The following PDE10A variants were observed in gnomAD, a reference collection of about 807,000 sequenced individuals.
PDE10A encodes the protein phosphodiesterase 10A, also known as cAMP and cAMP-inhibited cGMP 3',5'-cyclic phosphodiesterase 10A.
PDE10A carries 39 observed loss-of-function variants against 97.7 expected under a neutral mutation model. The ratio of observed to expected loss-of-function variants is 0.40; its 90% CI spans 0.31 to 0.52. PDE10A has a LOEUF of 0.52. PDE10A is among the 20% of genes least tolerant of loss of function. PDE10A has a pLI of 0.56. For missense variants in PDE10A, 731 were observed against 1,047.8 expected, an observed-to-expected ratio of 0.70 and a Z score of 4.17; for synonymous variants, 371 against 376.8, an observed-to-expected ratio of 0.98 and a Z score of 0.18.
chr6:165,801,516 G>C (rs1018737268), intron 1 of PDE10A, among the ~76,000 whole-genome samples: 1 of 152,160 alleles, frequency 6.6e-6, no homozygotes, highest in Non-Finnish European at 1.5e-5. Flanking sequence ...CTGCACTCCA[G>C]CCTGGGTGAC....
chr6:165,839,777 T>C (rs1314897541), intron 1 of PDE10A, among the ~76,000 whole-genome samples: 10 of 46,596 alleles, frequency 2.1e-4, no homozygotes, highest in East Asian at 1.0e-3. Flanking sequence ...CATCCCCATC[T>C]GCATCTGTCT....
chr6:165,879,918 A>G (rs1781432166), intron 1 of PDE10A, among the ~76,000 whole-genome samples: 1 of 61,358 alleles, frequency 1.6e-5, no homozygotes, highest in African/African-American at 5.7e-5. Context: ...GTGGATATGA[A>G]TTCTCGGGGG....
chr6:165,504,688 T>C (rs1781090049), intron 2 of PDE10A, among the ~76,000 whole-genome samples: 1 of 152,146 alleles, frequency 6.6e-6, no homozygotes, highest in Non-Finnish European at 1.5e-5. Flanking sequence ...ACTAATATAT[T>C]ACTAATAATA....
chr6:165,914,324 A>G (rs1315418166), intron 1 of PDE10A, among the ~76,000 whole-genome samples: 2 of 152,212 alleles, frequency 1.3e-5, no homozygotes, highest in African/African-American at 4.8e-5. Flanking sequence ...GTTGCCCTCC[A>G]AGACTTACAG....
intron 18 of PDE10A, among the ~76,000 whole-genome samples, chr6:165,371,045 C>T (rs1784206704): frequency 6.9e-6 from 1 of 144,054 alleles, no homozygotes; most frequent in South Asian, 2.2e-4. Context: ...AACAAAGACA[C>T]AACATACCAG....
Position 165,343,918 on chromosome 6 carries a change from A to G in PDE10A, c.2784-416T>C, listed in dbSNP as rs184484648. ...CCAATCCTTTCATTTTATATTAGCA[A>G]AGTCTGAGGTGCACAGAAATGAAAT... On this transcript the variant is annotated intron_variant, in intron 18 of 21. Transcript: ENST00000539869. Among the ~76,000 whole-genome samples, 11 of 152,288 alleles carry G rather than the reference A, an allele frequency of 7.2e-5. No homozygotes were observed. The East Asian group carries it at 1.9e-3, about 27-fold the overall frequency.
At chr6:165,619,363 T>C (rs1787935820) in intron 1 of PDE10A, among the ~76,000 whole-genome samples, 3 of 119,320 alleles carry the variant, frequency 2.5e-5, no homozygotes, top group Non-Finnish European at 3.7e-5. Context: ...TGTAGTCTAG[T>C]GTAGTGTGGT....
chr6:165,360,836 T>C (rs1332504074), intron 18 of PDE10A, among the ~76,000 whole-genome samples: 2 of 152,108 alleles, frequency 1.3e-5, no homozygotes, highest in African/African-American at 2.4e-5. Flanking sequence ...AAAGAGACAG[T>C]CAAAGAGACA....
At chr6:165,622,273 A>AGT (rs113616610) in intron 1 of PDE10A, among the ~76,000 whole-genome samples, 16,345 of 148,886 alleles carry the variant, frequency 0.11, 927 homozygotes, top group Middle Eastern at 0.14. Context: ...TGTGTTTGTG[A>AGT]GTGTGTGTGT....
intron 1 of PDE10A, among the ~76,000 whole-genome samples, chr6:165,779,722 G>A (rs780311590): frequency 6.6e-5 from 10 of 152,142 alleles, no homozygotes; most frequent in Non-Finnish European, 1.2e-4. Flanking sequence ...CTGGGCCCCT[G>A]GCAGAGCTGA....
At chr6:165,580,798 C>T (rs1035791186) in intron 1 of PDE10A, among the ~76,000 whole-genome samples, 3 of 151,582 alleles carry the variant, frequency 2.0e-5, no homozygotes, top group African/African-American at 7.3e-5. Context: ...AGTCTCCCAC[C>T]CAATGAGAAA....
intron 1 of PDE10A, among the ~76,000 whole-genome samples, chr6:165,715,092 G>A (rs938486683): frequency 5.3e-5 from 8 of 152,216 alleles, no homozygotes; most frequent in Non-Finnish European, 7.3e-5. Flanking sequence ...AGGGACGGCC[G>A]CCCGAGAACC....
At chr6:165,934,152 C>CTTTTTTTTTTT (rs778137427) in intron 1 of PDE10A, among the ~76,000 whole-genome samples, 1 of 109,172 alleles carries the variant, frequency 9.2e-6, no homozygotes. Context: ...CCTGGCTGAT[C>CTTTTTTTTTTT]TTTTTTTTTT....
chr6:165,663,858 C>T (rs528508690), upstream of PDE10A, among the ~76,000 whole-genome samples: 4 of 152,344 alleles, frequency 2.6e-5, no homozygotes, highest in East Asian at 3.9e-4. Flanking sequence ...ACCCCCACCC[C>T]CTTCCGTAGC....
intron 1 of PDE10A, among the ~76,000 whole-genome samples, chr6:165,743,236 C>T (rs1223651301): frequency 6.6e-6 from 1 of 152,130 alleles, no homozygotes; most frequent in Admixed American, 6.6e-5. Context: ...TTTTTAAAAC[C>T]TTTCTATTTG....
intron 18 of PDE10A, among the ~76,000 whole-genome samples, chr6:165,378,655 T>C (rs1394373697): frequency 1.3e-5 from 2 of 152,368 alleles, no homozygotes; most frequent in Admixed American, 1.3e-4. Context: ...CTCCTTGTTG[T>C]AATTCCATGT....
intron 1 of PDE10A, among the ~76,000 whole-genome samples, chr6:165,955,916 A>G (rs1395368263): frequency 1.3e-5 from 2 of 152,232 alleles, no homozygotes; most frequent in Non-Finnish European, 2.9e-5. Flanking sequence ...TCCTAAAGCT[A>G]TACAGAAGAA....
chr6:165,442,879 C>T (rs376799709), intron 5 of PDE10A, among the ~76,000 whole-genome samples: 2 of 151,950 alleles, frequency 1.3e-5, no homozygotes, highest in South Asian at 2.1e-4. Flanking sequence ...GAGGCTAAGG[C>T]GGGTGGATCG....
chr6:165,851,789 T>TATA (rs1223348714), intron 1 of PDE10A, among the ~76,000 whole-genome samples: 1 of 151,668 alleles, frequency 6.6e-6, no homozygotes, highest in African/African-American at 2.4e-5. Context: ...AATAATGAAG[T>TATA]ATACATTAAA....
Sources: gnomAD v4.1 joint callset for allele counts (sites outside exome capture counted in the v4.1 genomes callset) on GRCh38, gnomAD v4.1.1 for gene constraint, MANE v1.5 for transcripts, NCBI Gene and HGNC (gene_info 2026-07-23, HGNC 2026-07-21) for gene names.